The following IL1RAPL1 variants were observed in gnomAD, a reference collection of about 807,000 sequenced individuals.
The protein encoded by IL1RAPL1 is interleukin-1 receptor accessory protein-like 1.
In IL1RAPL1, 3 loss-of-function variants were observed where a neutral mutation model predicts 48.4. The observed-to-expected ratio is 0.06, with a 90% confidence interval of 0.03 to 0.16. The LOEUF is 0.16. IL1RAPL1 is among the 10% of genes least tolerant of loss of function. The probability of loss-of-function intolerance (pLI) is 1.00; values close to 1 mark genes in which losing one functional copy is unlikely to be tolerated. For synonymous variants in IL1RAPL1, 185 were observed against 187.7 expected (o/e 0.99, Z 0.12); for missense variants, 349 against 530.6 (o/e 0.66, Z 3.36).
At chrX:29,899,070 C>G (rs1243451400) in intron 6 of IL1RAPL1, among the ~76,000 whole-genome samples, 1 of 111,078 alleles carries the variant, frequency 9.0e-6, no homozygotes, top group Admixed American at 9.6e-5. Context: ...AAGTGAAAAA[C>G]TTCCCAATAG....
At chrX:28,619,888 T>G (rs761962853) in intron 1 of IL1RAPL1, among the ~76,000 whole-genome samples, 19 of 111,651 alleles carry the variant, frequency 1.7e-4, no homozygotes, top group Non-Finnish European at 1.3e-4. Flanking sequence ...TTTTAGTAGA[T>G]GATACCATGT....
chrX:29,489,773 C>T (rs1421817172), intron 5 of IL1RAPL1, among the ~76,000 whole-genome samples: 3 of 111,632 alleles, frequency 2.7e-5, no homozygotes, highest in Non-Finnish European at 5.6e-5. Context: ...AACTAATGGT[C>T]GTGCAGATAG....
At chrX:29,259,891 TA>T (rs371056329) in intron 2 of IL1RAPL1, among the ~76,000 whole-genome samples, 180 of 111,645 alleles carry the variant, frequency 1.6e-3, no homozygotes, top group African/African-American at 5.4e-3. Context: ...CTGGGCCATA[TA>T]AAAGTGGCAA....
chrX:29,704,398 G>A (rs1056733550), intron 6 of IL1RAPL1, among the ~76,000 whole-genome samples: 2 of 111,861 alleles, frequency 1.8e-5, no homozygotes, highest in South Asian at 3.7e-4. Context: ...GCAGGGTGCG[G>A]TGGCTCACGC....
intron 2 of IL1RAPL1, among the ~76,000 whole-genome samples, chrX:29,057,719 G>A (rs375932478): frequency 2.5e-4 from 28 of 111,654 alleles, no homozygotes; most frequent in African/African-American, 8.8e-4. Flanking sequence ...ATGAGCCACC[G>A]TGCGCGGCCT....
At chrX:29,545,494 C>G (rs145033984) in intron 5 of IL1RAPL1, among the ~76,000 whole-genome samples, 200 of 111,496 alleles carry the variant, frequency 1.8e-3, no homozygotes, top group Non-Finnish European at 2.4e-3. Flanking sequence ...CTCTCATGCT[C>G]CTCCAGGTAA....
chrX:29,840,559 T>C (rs946529853), intron 6 of IL1RAPL1, among the ~76,000 whole-genome samples: 1 of 112,301 alleles, frequency 8.9e-6, no homozygotes, highest in Non-Finnish European at 1.9e-5. Flanking sequence ...ACCTCTATTA[T>C]TTTATAGATT....
chrX:29,085,472 T>C (rs1166628593), intron 2 of IL1RAPL1, among the ~76,000 whole-genome samples: 3 of 111,714 alleles, frequency 2.7e-5, no homozygotes, highest in Non-Finnish European at 5.6e-5. Flanking sequence ...CTCACAGCAA[T>C]CTTTTGAAGT....
intron 2 of IL1RAPL1, among the ~76,000 whole-genome samples, chrX:28,839,776 G>C (rs10521947): frequency 0.14 from 15,147 of 110,134 alleles, 1,869 homozygotes; most frequent in African/African-American, 0.39. Context: ...AACTTGTCTT[G>C]ATAAAGGAAA....
intron 5 of IL1RAPL1, among the ~76,000 whole-genome samples, chrX:29,639,892 G>A (rs1174085859): frequency 9.0e-6 from 1 of 111,420 alleles, no homozygotes; most frequent in Non-Finnish European, 1.9e-5. Context: ...TAGGTGGCCT[G>A]GTATTTTGCA....
chrX:29,263,952 G>A (rs1231768460), intron 2 of IL1RAPL1, among the ~76,000 whole-genome samples: 2 of 103,282 alleles, frequency 1.9e-5, no homozygotes, highest in African/African-American at 3.6e-5. Flanking sequence ...TTCTGATATA[G>A]TCTAGCTCTC....
At chrX:29,020,959 C>G (rs1457316982) in intron 2 of IL1RAPL1, among the ~76,000 whole-genome samples, 2 of 111,047 alleles carry the variant, frequency 1.8e-5, no homozygotes, top group African/African-American at 6.6e-5. Context: ...GGTGCGGTGG[C>G]TCACGCCTGT....
intron 1 of IL1RAPL1, among the ~76,000 whole-genome samples, chrX:28,688,083 G>A (rs1313515428): frequency 1.2e-5 from 1 of 84,693 alleles, no homozygotes; most frequent in African/African-American, 4.8e-5. Context: ...TAGCCTGGGT[G>A]ACAGAGAGAG....
intron 6 of IL1RAPL1, among the ~76,000 whole-genome samples, chrX:29,887,048 C>A (rs2075904687): frequency 8.9e-6 from 1 of 111,782 alleles, no homozygotes; most frequent in South Asian, 3.7e-4. Context: ...AATTTCCATT[C>A]TGCAATAAAT....
intron 2 of IL1RAPL1, among the ~76,000 whole-genome samples, chrX:29,156,670 T>C (rs1402876035): frequency 9.0e-6 from 1 of 111,659 alleles, no homozygotes; most frequent in South Asian, 3.7e-4. Flanking sequence ...ACATGCTCAG[T>C]TGCAAGTCAT....
chrX:29,590,455 C>T (rs1923332692), intron 5 of IL1RAPL1, among the ~76,000 whole-genome samples: 1 of 111,803 alleles, frequency 8.9e-6, no homozygotes, highest in African/African-American at 3.3e-5. Context: ...TTCCCTCTTC[C>T]TCCCTGCCTC....
chrX:29,744,407 C>T (rs1311372067), intron 6 of IL1RAPL1, among the ~76,000 whole-genome samples: 1 of 112,315 alleles, frequency 8.9e-6, no homozygotes, highest in South Asian at 3.7e-4. Context: ...ACTCTCTCTG[C>T]ATACCTCTAA....
intron 6 of IL1RAPL1, among the ~76,000 whole-genome samples, chrX:29,803,377 GTATACA>G (rs1464069547): frequency 3.5e-5 from 3 of 86,422 alleles, no homozygotes; most frequent in East Asian, 3.9e-4. Context: ...ATGTATATAT[GTATACA>G]TGTATACACA....
At chrX:29,663,890 T>A (rs1214998114) in intron 5 of IL1RAPL1, among the ~76,000 whole-genome samples, 1 of 112,206 alleles carries the variant, frequency 8.9e-6, no homozygotes, top group African/African-American at 3.2e-5. Context: ...TTATTTTCCG[T>A]CTACTATATG....
Sources: allele counts gnomAD v4.1 joint callset (sites outside exome capture counted in the v4.1 genomes callset), GRCh38; gene constraint gnomAD v4.1.1; transcripts MANE v1.5; gene names NCBI Gene and HGNC (gene_info 2026-07-23, HGNC 2026-07-21).